GBE1: variants seen among roughly 807,000 people sequenced by gnomAD.
The protein encoded by GBE1 is 1,4-alpha-glucan-branching enzyme.
In GBE1, 70 loss-of-function variants were observed where a neutral mutation model predicts 88.8. The observed-to-expected ratio is 0.79, with a 90% CI of 0.65 to 0.96. GBE1 has a LOEUF of 0.96. GBE1 is among the 40% of genes least tolerant of loss of function. The probability of loss-of-function intolerance (pLI) is 0.00; values close to 1 mark genes in which losing one functional copy is unlikely to be tolerated. For missense variants in GBE1, 872 were observed against 871.0 expected (o/e 1.00, Z -0.01); for synonymous variants, 284 against 300.1 (o/e 0.95, Z 0.56).
At chr3:81,557,088 A>T (rs990422661) in intron 12 of GBE1, among the ~76,000 whole-genome samples, 2 of 152,130 alleles carry the variant, frequency 1.3e-5, no homozygotes, top group Non-Finnish European at 2.9e-5. Context: ...TTGAGTAACA[A>T]GTCAAAAATG....
chr3:81,623,563 C>T (rs1398463288), intron 7 of GBE1, among the ~76,000 whole-genome samples: 1 of 152,096 alleles, frequency 6.6e-6, no homozygotes, highest in African/African-American at 2.4e-5. Flanking sequence ...TGCTTCATTC[C>T]CAGGGTTCAG....
intron 2 of GBE1, among the ~76,000 whole-genome samples, chr3:81,672,268 A>G (rs1705199720): frequency 6.6e-6 from 1 of 152,014 alleles, no homozygotes. Context: ...CTCCTAGGAA[A>G]TAGTTCAGAG....
intron 14 of GBE1, among the ~76,000 whole-genome samples, chr3:81,512,146 G>C (rs1422059028): frequency 6.6e-6 from 1 of 151,900 alleles, no homozygotes; most frequent in Admixed American, 6.6e-5. Flanking sequence ...TAAACATTGG[G>C]TACACATGAA....
At chr3:81,589,949 CTG>C (rs1703855437) in intron 9 of GBE1, among the ~76,000 whole-genome samples, 2 of 151,916 alleles carry the variant, frequency 1.3e-5, no homozygotes, top group Non-Finnish European at 2.9e-5. Context: ...TAGGTCATGA[CTG>C]TGAAAAAATA....
At chr3:81,563,094 C>T (rs931049802) in intron 12 of GBE1, among the ~76,000 whole-genome samples, 4 of 152,048 alleles carry the variant, frequency 2.6e-5, no homozygotes, top group African/African-American at 9.7e-5. Flanking sequence ...CAATACATCT[C>T]ACATTTTTCA....
intron 2 of GBE1, among the ~76,000 whole-genome samples, chr3:81,690,097 C>G (rs1705498080): frequency 6.6e-6 from 1 of 152,138 alleles, no homozygotes; most frequent in African/African-American, 2.4e-5. Flanking sequence ...GCTCTAGAGA[C>G]AGAGAACTAT....
chr3:81,640,277 C>T (rs1044433739), intron 7 of GBE1, among the ~76,000 whole-genome samples: 1 of 151,796 alleles, frequency 6.6e-6, no homozygotes, highest in African/African-American at 2.4e-5. Context: ...CCCTCAGTCT[C>T]GGTGGGCACC....
At chr3:81,745,001 G>A (rs1706401442) in intron 1 of GBE1, among the ~76,000 whole-genome samples, 1 of 152,138 alleles carries the variant, frequency 6.6e-6, no homozygotes, top group Non-Finnish European at 1.5e-5. Flanking sequence ...GCTTTCATCT[G>A]TATTACACTG....
At chr3:81,561,756 C>T (rs747028319) in intron 12 of GBE1, among the ~76,000 whole-genome samples, 14 of 152,166 alleles carry the variant, frequency 9.2e-5, no homozygotes, top group African/African-American at 2.6e-4. Flanking sequence ...AAGCCCTCTA[C>T]GACCTGGCCT....
At chr3:81,517,899 AC>A (rs1390800389) in intron 14 of GBE1, among the ~76,000 whole-genome samples, 1 of 150,944 alleles carries the variant, frequency 6.6e-6, no homozygotes, top group Non-Finnish European at 1.5e-5. Flanking sequence ...CAGTTCATCA[AC>A]CCCTCTATCC....
chr3:81,616,040 A>G (rs1704244138), intron 7 of GBE1, among the ~76,000 whole-genome samples: 1 of 152,070 alleles, frequency 6.6e-6, no homozygotes, highest in African/African-American at 2.4e-5. Flanking sequence ...TCATCTGCTT[A>G]TTGGCCATCT....
intron 7 of GBE1, among the ~76,000 whole-genome samples, chr3:81,600,329 A>C (rs1393160521): frequency 2.0e-5 from 3 of 152,198 alleles, no homozygotes; most frequent in Non-Finnish European, 4.4e-5. Context: ...GATTGAAAAA[A>C]TACACCCCTC....
chr3:81,606,105 T>TA (rs1344873050), intron 7 of GBE1, among the ~76,000 whole-genome samples: 3 of 152,128 alleles, frequency 2.0e-5, no homozygotes, highest in African/African-American at 7.2e-5. Context: ...GATGTGTTTA[T>TA]AAAAAACAAA....
chr3:81,598,118 A>G (rs1703984158), intron 7 of GBE1, among the ~76,000 whole-genome samples: 1 of 151,956 alleles, frequency 6.6e-6, no homozygotes, highest in African/African-American at 2.4e-5. Flanking sequence ...TTTGTGGTCC[A>G]AAAATACCTC....
intron 15 of GBE1, among the ~76,000 whole-genome samples, chr3:81,494,164 T>C (rs1015053359): frequency 6.6e-6 from 1 of 152,190 alleles, no homozygotes; most frequent in African/African-American, 2.4e-5. Context: ...ATAGGCAACA[T>C]GGAAGAATTT....
intron 7 of GBE1, among the ~76,000 whole-genome samples, chr3:81,633,112 C>T (rs576508730): frequency 6.6e-6 from 1 of 152,200 alleles, no homozygotes; most frequent in African/African-American, 2.4e-5. Flanking sequence ...CATTATGGCA[C>T]ATGGTTTGGC....
chr3:81,726,757 T>C (rs910725737), intron 1 of GBE1, among the ~76,000 whole-genome samples: 1 of 152,046 alleles, frequency 6.6e-6, no homozygotes, highest in African/African-American at 2.4e-5. Flanking sequence ...AATTTTTGTA[T>C]TTTTAGTAGA....
At chr3:81,493,820 AC>A (rs1215706258) in intron 15 of GBE1, among the ~76,000 whole-genome samples, 14 of 144,582 alleles carry the variant, frequency 9.7e-5, no homozygotes, top group Non-Finnish European at 3.0e-5. Context: ...GAGCCACCAC[AC>A]CCATCCGAGA....
intron 8 of GBE1, among the ~76,000 whole-genome samples, chr3:81,592,128 A>G (rs1391561888): frequency 6.6e-6 from 1 of 152,150 alleles, no homozygotes; most frequent in Non-Finnish European, 1.5e-5. Context: ...ACCCATAGTT[A>G]CCACATGTGT....
Sources: allele counts gnomAD v4.1 joint callset (sites outside exome capture counted in the v4.1 genomes callset), GRCh38; gene constraint gnomAD v4.1.1; transcripts MANE v1.5; gene names NCBI Gene and HGNC (gene_info 2026-07-23, HGNC 2026-07-21).